The following CNTN6 variants were observed in gnomAD, a reference collection of about 807,000 sequenced individuals.
CNTN6 encodes contactin-6.
In CNTN6, 137 loss-of-function variants were observed where a neutral mutation model predicts 122.8. The ratio of observed to expected loss-of-function variants is 1.12; its 90% confidence interval spans 0.97 to 1.29. CNTN6 has a LOEUF of 1.29. CNTN6 is among the 50% of genes most tolerant of loss of function. The pLI is 0.00. For missense variants in CNTN6, 1,634 were observed against 1,223.4 expected, an observed-to-expected ratio of 1.34 and a Z score of -5.01; for synonymous variants, 570 against 426.0, an observed-to-expected ratio of 1.34 and a Z score of -4.16.
intron 1 of CNTN6, among the ~76,000 whole-genome samples, chr3:1,127,933 G>T (rs1211657405): frequency 6.6e-6 from 1 of 151,882 alleles, no homozygotes; most frequent in Non-Finnish European, 1.5e-5. Flanking sequence ...GAAACCAAAG[G>T]ATATGCCTTT....
chr3:1,229,665 T>C (rs1302976962), intron 4 of CNTN6, among the ~76,000 whole-genome samples: 1 of 152,162 alleles, frequency 6.6e-6, no homozygotes, highest in Non-Finnish European at 1.5e-5. Context: ...GAGAAGTTTC[T>C]CTAGTTAAAA....
chr3:1,155,019 A>G (rs545022399), intron 2 of CNTN6, among the ~76,000 whole-genome samples: 1 of 152,062 alleles, frequency 6.6e-6, no homozygotes, highest in South Asian at 2.1e-4. Context: ...GGCTCTTTCC[A>G]TTATACCCAT....
At chr3:1,220,014 GAAAAT>G (rs1335632093) in intron 2 of CNTN6, among the ~76,000 whole-genome samples, 1 of 149,496 alleles carries the variant, frequency 6.7e-6, no homozygotes, top group Admixed American at 6.6e-5. Flanking sequence ...AAAATAAAAA[GAAAAT>G]AAAAAAGAAA....
At chr3:1,182,793 T>A (rs757898247) in intron 2 of CNTN6, among the ~76,000 whole-genome samples, 5 of 152,148 alleles carry the variant, frequency 3.3e-5, no homozygotes, top group Admixed American at 1.3e-4. Context: ...ATGTTTATCA[T>A]GCATCTATGA....
intron 2 of CNTN6, among the ~76,000 whole-genome samples, chr3:1,209,744 C>A (rs2094007982): frequency 9.9e-6 from 1 of 101,470 alleles, no homozygotes; most frequent in South Asian, 2.6e-4. Context: ...AAACTGTGAG[C>A]CCCAGCACCA....
At chr3:1,210,138 C>G (rs1442790219) in intron 2 of CNTN6, among the ~76,000 whole-genome samples, 1 of 152,174 alleles carries the variant, frequency 6.6e-6, no homozygotes, top group African/African-American at 2.4e-5. Context: ...TAAACATCAA[C>G]AGGCAGTGGG....
intron 4 of CNTN6, among the ~76,000 whole-genome samples, chr3:1,254,115 GT>G (rs2094715391): frequency 6.6e-6 from 1 of 152,166 alleles, no homozygotes; most frequent in Non-Finnish European, 1.5e-5. Flanking sequence ...GTGTGTTAAT[GT>G]TTTTGCATTT....
chr3:1,224,691 A>C (rs1020381880), intron 3 of CNTN6, among the ~76,000 whole-genome samples: 6 of 152,108 alleles, frequency 3.9e-5, no homozygotes, highest in Admixed American at 3.9e-4. Flanking sequence ...ACACACACAC[A>C]AACACACACA....
At chr3:1,320,931 A>G in intron 7 of CNTN6, among the ~76,000 whole-genome samples, 1 of 151,750 alleles carries the variant, frequency 6.6e-6, no homozygotes, top group East Asian at 1.9e-4. Flanking sequence ...ATTAATATTA[A>G]TAAAGTAACT....
chr3:1,375,273 T>C (rs1235025330), intron 16 of CNTN6, among the ~76,000 whole-genome samples: 2 of 152,050 alleles, frequency 1.3e-5, no homozygotes, highest in Non-Finnish European at 2.9e-5. Context: ...AACTCTTACA[T>C]TTTCATAGCA....
At chr3:1,266,653 CTCTG>C (rs2094930468) in intron 4 of CNTN6, among the ~76,000 whole-genome samples, 1 of 152,162 alleles carries the variant, frequency 6.6e-6, no homozygotes, top group African/African-American at 2.4e-5. Context: ...TTATTAAGGG[CTCTG>C]TCTATGAAGG....
At chr3:1,141,772 A>G (rs1475536539) in intron 1 of CNTN6, among the ~76,000 whole-genome samples, 1 of 152,116 alleles carries the variant, frequency 6.6e-6, no homozygotes, top group Non-Finnish European at 1.5e-5. Context: ...ATTTTCCCCC[A>G]CCATAGAGTA....
intron 20 of CNTN6, among the ~76,000 whole-genome samples, chr3:1,387,073 C>T (rs528858980): frequency 6.6e-6 from 1 of 152,264 alleles, no homozygotes; most frequent in East Asian, 1.9e-4. Context: ...TGAAATAGGA[C>T]AAGGCATTCC....
chr3:1,196,827 G>A (rs1257997678), intron 2 of CNTN6, among the ~76,000 whole-genome samples: 1 of 152,110 alleles, frequency 6.6e-6, no homozygotes, highest in Admixed American at 6.5e-5. Flanking sequence ...TGCAGGTCTT[G>A]GAGATTTAGA....
At chr3:1,246,233 A>T (rs1288320342) in intron 4 of CNTN6, among the ~76,000 whole-genome samples, 1 of 152,144 alleles carries the variant, frequency 6.6e-6, no homozygotes, top group Non-Finnish European at 1.5e-5. Context: ...AAGATGAGCC[A>T]TATCTTGACT....
At chr3:1,142,958 G>A (rs1210703917) in intron 1 of CNTN6, among the ~76,000 whole-genome samples, 1 of 100,324 alleles carries the variant, frequency 1.0e-5, no homozygotes, top group Non-Finnish European at 2.0e-5. Context: ...ATAAATTTGT[G>A]TGTGTGTGTG....
At chr3:1,328,133 C>A (rs1159961606) in intron 10 of CNTN6, among the ~76,000 whole-genome samples, 1 of 151,756 alleles carries the variant, frequency 6.6e-6, no homozygotes, top group African/African-American at 2.4e-5. Context: ...ACATTTATCT[C>A]TTTTATTAGA....
intron 4 of CNTN6, among the ~76,000 whole-genome samples, chr3:1,255,987 G>T (rs1293397885): frequency 6.6e-6 from 1 of 151,994 alleles, no homozygotes; most frequent in Non-Finnish European, 1.5e-5. Flanking sequence ...ACTCAGCTCA[G>T]TCTCCCAAGC....
At chr3:1,280,110 T>G (rs2125797705) in intron 5 of CNTN6, among the ~76,000 whole-genome samples, 1 of 152,364 alleles carries the variant, frequency 6.6e-6, no homozygotes, top group South Asian at 2.1e-4. Context: ...TTTTATGCTC[T>G]TACGATGTTA....
Sources: gnomAD v4.1 joint callset for allele counts (sites outside exome capture counted in the v4.1 genomes callset) on GRCh38, gnomAD v4.1.1 for gene constraint, MANE v1.5 for transcripts, NCBI Gene and HGNC (gene_info 2026-07-23, HGNC 2026-07-21) for gene names.